SPATA6: variants seen among roughly 807,000 people sequenced by gnomAD.
The protein encoded by SPATA6 is spermatogenesis-associated protein 6.
A neutral mutation model predicts 65.3 loss-of-function variants in SPATA6; 56 were observed. The observed-to-expected ratio is 0.86, with a 90% CI of 0.69 to 1.07. The LOEUF is 1.07. Ranked by LOEUF, SPATA6 falls within the 50% of genes least tolerant of loss-of-function variation. SPATA6 has a pLI of 0.00. For synonymous variants in SPATA6, 199 were observed against 213.2 expected, an observed-to-expected ratio of 0.93 and a Z score of 0.58; for missense variants, 590 against 594.8, an observed-to-expected ratio of 0.99 and a Z score of 0.08.
At chr1:48,343,905 C>G (rs2148771441) in intron 11 of SPATA6, among the ~76,000 whole-genome samples, 1 of 151,912 alleles carries the variant, frequency 6.6e-6, no homozygotes, top group African/African-American at 2.4e-5. Context: ...AAAGAAAATC[C>G]CCAGTTAATA....
intron 11 of SPATA6, among the ~76,000 whole-genome samples, chr1:48,319,627 A>G (rs536522411): frequency 6.6e-6 from 1 of 152,302 alleles, no homozygotes; most frequent in South Asian, 2.1e-4. Flanking sequence ...AAAGCAGGAA[A>G]GGGATGACTA....
chr1:48,449,745 T>A (rs1656390327), intron 3 of SPATA6, among the ~76,000 whole-genome samples: 1 of 152,228 alleles, frequency 6.6e-6, no homozygotes, highest in African/African-American at 2.4e-5. Context: ...GACTGTTTGA[T>A]CTTATTAAGA....
chr1:48,314,946 A>G (rs1645359839), intron 11 of SPATA6, among the ~76,000 whole-genome samples: 1 of 152,230 alleles, frequency 6.6e-6, no homozygotes, highest in African/African-American at 2.4e-5. Context: ...AATCTAGAAT[A>G]AATGGATAAA....
At chr1:48,330,641 G>A (rs1431597540) in intron 11 of SPATA6, among the ~76,000 whole-genome samples, 1 of 152,218 alleles carries the variant, frequency 6.6e-6, no homozygotes, top group Non-Finnish European at 1.5e-5. Flanking sequence ...CCAGCCAAGT[G>A]GCCCTACGTT....
At chr1:48,309,282 A>G (rs1570026897) in intron 11 of SPATA6, among the ~76,000 whole-genome samples, 1 of 151,886 alleles carries the variant, frequency 6.6e-6, no homozygotes, top group East Asian at 1.9e-4. Context: ...TTATGTGTTC[A>G]TTATTTTTAT....
At chr1:48,307,950 T>C (rs1226042045) in intron 11 of SPATA6, among the ~76,000 whole-genome samples, 2 of 151,990 alleles carry the variant, frequency 1.3e-5, no homozygotes, top group Admixed American at 1.3e-4. Flanking sequence ...TTTTGTTTTC[T>C]TTTACACTGA....
chr1:48,372,350 T>G (rs977044427), intron 9 of SPATA6, among the ~76,000 whole-genome samples: 2 of 152,158 alleles, frequency 1.3e-5, no homozygotes, highest in Non-Finnish European at 2.9e-5. Flanking sequence ...TGAAATCCAG[T>G]GGAGCAGTCA....
chr1:48,310,741 C>A (rs1645184378), intron 11 of SPATA6, among the ~76,000 whole-genome samples: 1 of 152,156 alleles, frequency 6.6e-6, no homozygotes, highest in African/African-American at 2.4e-5. Flanking sequence ...CCAGACCTAA[C>A]AACATCTATA....
the SPATA6 span, among the ~76,000 whole-genome samples, chr1:48,290,346 G>C: frequency 7.9e-5 from 12 of 152,142 alleles, no homozygotes; most frequent in Non-Finnish European, 1.5e-4. Flanking sequence ...GCTCCTGAAG[G>C]AAGCACTAAA....
the SPATA6 span, among the ~76,000 whole-genome samples, chr1:48,279,079 C>T: frequency 6.6e-6 from 1 of 152,092 alleles, no homozygotes; most frequent in African/African-American, 2.4e-5. Flanking sequence ...TCCAGCCAAA[C>T]TAAGCTTCAT....
At chr1:48,448,869 G>A (rs1313963040) in intron 3 of SPATA6, among the ~76,000 whole-genome samples, 1 of 152,110 alleles carries the variant, frequency 6.6e-6, no homozygotes, top group East Asian at 1.9e-4. Flanking sequence ...TGGTTTCTGG[G>A]GACTGGGAGG....
intron 2 of SPATA6, among the ~76,000 whole-genome samples, chr1:48,452,150 CT>C (rs1395885054): frequency 6.6e-6 from 1 of 151,976 alleles, no homozygotes; most frequent in East Asian, 1.9e-4. Context: ...AGGATTTTCC[CT>C]TGTTTACCAT....
chr1:48,372,182 C>T (rs551996652), intron 9 of SPATA6, among the ~76,000 whole-genome samples: 1 of 152,284 alleles, frequency 6.6e-6, no homozygotes, highest in Admixed American at 6.5e-5. Context: ...AAAGTCTCAT[C>T]TGAGACAAGG....
At chr1:48,411,381 C>T (rs1652209813) in intron 5 of SPATA6, 83 bp downstream of exon 5, 1 of 1,416,354 alleles carries the variant, frequency 7.1e-7, no homozygotes, top group African/African-American at 1.4e-5. Context: ...TTGTTCTTCA[C>T]ATTTAAGATG....
At chr1:48,314,185 G>C (rs147437180) in intron 11 of SPATA6, among the ~76,000 whole-genome samples, 3,738 of 152,204 alleles carry the variant, frequency 0.025, 97 homozygotes, top group African/African-American at 0.067. Flanking sequence ...TCTGCACCAA[G>C]CAGACCTAAT....
intron 3 of SPATA6, among the ~76,000 whole-genome samples, chr1:48,438,734 C>T (rs531182712): frequency 1.3e-5 from 2 of 152,274 alleles, no homozygotes; most frequent in South Asian, 2.1e-4. Context: ...AGACTAGTCC[C>T]GCTTCTAAAA....
rs1658313505 is a variant in SPATA6, at chr1:48,472,099, G to C, written c.-91C>G. 3.2e-5 allele frequency: 34 copies of C among 1,057,054 alleles called. No individual in the cohort carries two copies. The East Asian group carries it at 7.5e-4, about 23-fold the overall frequency. The allele number at this position is 1,057,054 out of a possible 1,614,324, so 65.5% of individuals were successfully genotyped here. A position where few individuals can be genotyped will look rare whatever the true frequency, so the allele number is the denominator to read the frequency against. ...GGCTGGGCGGGGACGGGGAGGAGACGAGGTGGCGGCGGCGGTGGCAGCAGT... is the reference window on the plus strand; with the variant it reads ...GGCTGGGCGGGGACGGGGAGGAGACCAGGTGGCGGCGGCGGTGGCAGCAGT... On this transcript the variant is annotated 5_prime_UTR_variant, in exon 1 of 13. Transcript: ENST00000371847.
At chr1:48,418,545 A>G (rs1454775765) in intron 3 of SPATA6, among the ~76,000 whole-genome samples, 1 of 4,504 alleles carries the variant, frequency 2.2e-4, no homozygotes, top group Non-Finnish European at 5.2e-4. Flanking sequence ...CCATCCCTAC[A>G]AAAAAAAAAA....
chr1:48,299,516 GAAAA>G lies in SPATA6; in HGVS notation c.1287-627_1287-624del, dbSNP rs58072004. ...ACAACAAGAGCAAAACTCCGTCTCGGAAAAAAAAAAAAAAAAAAAAAGAATGCAT... is the reference window on the plus strand; with the variant it reads ...ACAACAAGAGCAAAACTCCGTCTCGGAAAAAAAAAAAAAAAAAGAATGCAT... On this transcript the variant is annotated intron_variant, in intron 12 of 12. Transcript: ENST00000371847. Among the ~76,000 whole-genome samples the G allele has an allele frequency of 1.6e-3, 61 of 38,202 alleles. 3 individuals carry two copies. In the South Asian group the frequency reaches 0.064, roughly 40 times the overall value. 25.1% of individuals were successfully genotyped at this position (38,202 alleles called of 152,430 possible). A position where few individuals can be genotyped will look rare whatever the true frequency, so the allele number is the denominator to read the frequency against.
Sources: gnomAD v4.1 joint callset for allele counts (sites outside exome capture counted in the v4.1 genomes callset) on GRCh38, gnomAD v4.1.1 for gene constraint, MANE v1.5 for transcripts, NCBI Gene and HGNC (gene_info 2026-07-23, HGNC 2026-07-21) for gene names.